The following ZNF20 variants were observed in gnomAD, a reference collection of about 807,000 sequenced individuals.
ZNF20 encodes zinc finger protein 20.
ZNF20 carries 9 observed loss-of-function variants against 11.0 expected under a neutral mutation model. That is an observed-to-expected ratio of 0.82 (90% CI 0.49 to 1.43). ZNF20 has a LOEUF of 1.43. Ranked by LOEUF, ZNF20 falls within the 40% of genes most tolerant of loss-of-function variation. ZNF20 has a pLI of 0.00. For missense variants in ZNF20, 528 were observed against 640.8 expected, an observed-to-expected ratio of 0.82 and a Z score of 1.90; for synonymous variants, 182 against 213.0, an observed-to-expected ratio of 0.85 and a Z score of 1.27.
intron 3 of ZNF20, among the ~76,000 whole-genome samples, chr19:12,134,311 C>A (rs778726747): frequency 2.7e-5 from 4 of 149,834 alleles, no homozygotes; most frequent in Non-Finnish European, 5.9e-5. Flanking sequence ...GTGACAAGGG[C>A]GAAACTCTGT....
At position 12,133,818 on chromosome 19, in the gene ZNF20, T is replaced by C. The variant is rs763604223; in HGVS notation, c.368A>G (p.His123Arg). Residue 123 changes from histidine (H) to arginine (R), a missense_variant, in exon 4 of 4, where the codon CAT (histidine) becomes CGT (arginine). Physicochemically the swap from His to Arg is conservative, Grantham distance 29. Transcript: ENST00000334213. The part of the protein sequence containing the change: ...VGTGHSSLNT[H>R]IRADTGHKSS... ...CTTGTGTCCAGTGTCAGCTCTGATA[T>C]GCGTATTAAGAGATGAATGACCCGT... 1.2e-6 allele frequency: 2 copies of C among 1,614,224 alleles called. No individual in the cohort carries two copies. Among genetic ancestry groups the C allele is most frequent in the Non-Finnish European group, 1.7e-6 (2 of 1,180,048 alleles).
chr19:12,133,965 CAG>C lies in ZNF20; in HGVS notation c.219_220del (p.Cys74Ter), dbSNP rs1214191295. On this transcript the variant is annotated frameshift_variant, in exon 4 of 4. Coordinates refer to ENST00000334213, the MANE Select transcript of ZNF20 (RefSeq NM_021143.4). LOFTEE classifies it low-confidence loss of function (END_TRUNC). Reference sequence around the variant, plus strand: ...ACAGTGATGACTTTCTTTACTTTCACAGAGTTTCTCTCTCATAAGACTTCAGT... The same window carrying C: ...ACAGTGATGACTTTCTTTACTTTCACAGTTTCTCTCTCATAAGACTTCAGT... The C allele has an allele frequency of 1.2e-5, 19 of 1,608,288 alleles. No individual in the cohort carries two copies. The African/African-American group carries it at 1.5e-4, about 12-fold the overall frequency.
At position 12,140,336 on chromosome 19, in the gene ZNF20, A is replaced by G; in HGVS notation, c.-154T>C. 1 of 992,404 alleles carries G rather than the reference A, an allele frequency of 1.0e-6. No homozygotes were observed. The highest frequency in any genetic ancestry group is 1.6e-6 in the Non-Finnish European group (1 of 641,564). The allele number at this position is 992,404 out of a possible 1,614,324, so 61.5% of individuals were successfully genotyped here. On this transcript the variant is annotated 5_prime_UTR_variant, in exon 1 of 4. Coordinates refer to ENST00000334213, the MANE Select transcript of ZNF20 (RefSeq NM_021143.4). ...TATCCCGACAACAACCTGCATAGCA[A>G]CAAAAGTAGAAGCTGGAATGGGCCT...
intron 1 of ZNF20, among the ~76,000 whole-genome samples, chr19:12,138,936 G>T (rs189116046): frequency 6.6e-6 from 1 of 152,222 alleles, no homozygotes; most frequent in Non-Finnish European, 1.5e-5. Context: ...GAGTTAGGGC[G>T]GGGTAGCAGG....
In ZNF20 at chr19:12,132,796, T is replaced by C. The variant is rs1454160660; in HGVS notation, c.1390A>G (p.Ser464Gly). ...GTCCTTTCATGATATCGAATGGAAC[T>C]GGAACAAGTGAAGGCTTTGCCACAT... ...KVCGKAFTCSSSIRYHERTHT... is the reference protein window; with the variant it reads ...KVCGKAFTCSGSIRYHERTHT... The change falls in exon 4 of 4, where the codon AGT (serine) becomes GGT (glycine). Residue 464 changes from serine to glycine, a missense_variant. By Grantham distance (56) the Ser-to-Gly change is moderately conservative. Transcript: ENST00000334213. 2 of 1,612,860 alleles carry C rather than the reference T, an allele frequency of 1.2e-6. No individual in the cohort carries two copies. The highest frequency in any genetic ancestry group is 3.3e-5 in the Admixed American group (2 of 59,892).
intron 1 of ZNF20, 111 bp from the exon 2 acceptor site, chr19:12,136,015 G>C: frequency 2.9e-6 from 4 of 1,357,660 alleles, no homozygotes; most frequent in Non-Finnish European, 4.0e-6. Context: ...CCATGACTTG[G>C]TCATCACACC....
At position 12,136,674 on chromosome 19, in the gene ZNF20, T is replaced by C. The variant is rs1976716912; in HGVS notation, c.4-770A>G. Among the ~76,000 whole-genome samples the C allele has an allele frequency of 2.0e-5, 3 of 151,782 alleles. No homozygotes were observed. The South Asian group carries it at 6.3e-4, about 32-fold the overall frequency. Reference sequence around the variant, plus strand: ...TGCACTCCAGCCTGGGCAACAAGAGTGAAACTCCGTCTCGAAAAAATAAAA... The same window carrying C: ...TGCACTCCAGCCTGGGCAACAAGAGCGAAACTCCGTCTCGAAAAAATAAAA... On this transcript the variant is annotated intron_variant, in intron 1 of 3. Coordinates refer to ENST00000334213, the MANE Select transcript of ZNF20 (RefSeq NM_021143.4).
In ZNF20 at chr19:12,139,889, C is replaced by T. The variant is rs1872633987; in HGVS notation, c.3+291G>A. ...TCCCCCATGACCCTCCCGTGGTCCC[C>T]GCAAAATCTGAAGAGACGCGGGGCT... On this transcript the variant is annotated intron_variant, in intron 1 of 3. Coordinates refer to ENST00000334213, the MANE Select transcript of ZNF20 (RefSeq NM_021143.4). The surrounding 1 kb of genome is among the most constrained non-coding windows in gnomAD (Gnocchi z 4.0). Among the ~76,000 whole-genome samples the T allele has an allele frequency of 6.6e-6, 1 of 152,170 alleles. No homozygotes were observed. Among genetic ancestry groups the T allele is most frequent in the Non-Finnish European group, 1.5e-5 (1 of 68,026 alleles).
At position 12,132,326 on chromosome 19, in the gene ZNF20, C is replaced by A. The variant is rs1976635090; in HGVS notation, c.*261G>T. On this transcript the variant is annotated 3_prime_UTR_variant, in exon 4 of 4. Transcript: ENST00000334213. ...GGGCTGGAAGCGGGTAGCCACACAC[C>A]TCTCTCCCTGTGTGGGGCCTCTAAT... The A allele has an allele frequency of 2.4e-6, 1 of 417,878 alleles. No homozygotes were observed. Among genetic ancestry groups the A allele is most frequent in the African/African-American group, 2.0e-5 (1 of 48,844 alleles). 25.9% of individuals were successfully genotyped at this position (417,878 alleles called of 1,614,324 possible).
chr19:12,138,102 G>A (rs1976741302), intron 1 of ZNF20, among the ~76,000 whole-genome samples: 2 of 152,110 alleles, frequency 1.3e-5, no homozygotes, highest in African/African-American at 4.8e-5. Context: ...TGAAACCCAG[G>A]ACCAGGAAAA....
chr19:12,133,571 C>T lies in ZNF20; in HGVS notation c.615G>A (p.Gly205=). ...GDGPYKCKFC[G]KAFYFLNLCL... is the part of the protein sequence containing the mutation. ...ATAAATTGAGAAAATAGAAGGCTTTCCCACAAAACTTACATTTATAAGGTC... is the reference window on the plus strand; with the variant it reads ...ATAAATTGAGAAAATAGAAGGCTTTTCCACAAAACTTACATTTATAAGGTC... The change falls in exon 4 of 4, where the codon GGG becomes GGA. Residue 205 remains glycine (G), a synonymous_variant. Transcript: ENST00000334213. 6.2e-7 allele frequency: 1 copy of T among 1,614,162 alleles called. No homozygotes were observed. The highest frequency in any genetic ancestry group is 1.7e-5 in the Admixed American group (1 of 60,030).
chr19:12,132,837 G>A lies in ZNF20; in HGVS notation c.1349C>T (p.Pro450Leu). The A allele has an allele frequency of 6.2e-7, 1 of 1,613,986 alleles. No individual in the cohort carries two copies. ...IHERTHTGDKPYECKVCGKAF... is the reference protein window; with the variant it reads ...IHERTHTGDKLYECKVCGKAF... ...TTTGCCACATACCTTACACTCATAT[G>A]GCTTATCTCCAGTGTGTGTCCTTTC... Residue 450 changes from proline to leucine, a missense_variant, in exon 4 of 4, where the codon CCA becomes CTA. Transcript: ENST00000334213.
At chr19:12,140,078 T>C in intron 1 of ZNF20, 102 bp downstream of exon 1, 1 of 1,453,062 alleles carries the variant, frequency 6.9e-7, no homozygotes, top group Non-Finnish European at 9.4e-7. Flanking sequence ...GGGTCCCAGA[T>C]CCAGGAGGCG....
chr19:12,140,030 C>A, intron 1 of ZNF20, 150 bp downstream of exon 1: 1 of 1,096,660 alleles, frequency 9.1e-7, no homozygotes, highest in East Asian at 2.6e-5. Context: ...CACCCTGCGG[C>A]CGAGGGGACG....
intron 3 of ZNF20, 111 bp from the exon 4 acceptor site, chr19:12,134,096 G>A: frequency 1.1e-6 from 1 of 887,882 alleles, no homozygotes; most frequent in Non-Finnish European, 1.7e-6. Context: ...GGCTGAGGTG[G>A]GCAGATCACC....
In ZNF20 at chr19:12,139,882, T is replaced by C. The variant is rs1281433770; in HGVS notation, c.3+298A>G. ...GCAGGATTCCCCCATGACCCTCCCG[T>C]GGTCCCCGCAAAATCTGAAGAGACG... is the stretch of plus-strand genomic sequence containing the variant. On this transcript the variant is annotated intron_variant, in intron 1 of 3. Transcript: ENST00000334213. The surrounding 1 kb of genome is among the most constrained non-coding windows in gnomAD (Gnocchi z 4.0). Among the ~76,000 whole-genome samples, 1 of 151,930 alleles carries C rather than the reference T, an allele frequency of 6.6e-6. No individual in the cohort carries two copies. Among genetic ancestry groups the C allele is most frequent in the African/African-American group, 2.4e-5 (1 of 41,394 alleles).
rs1158750145 is a variant in ZNF20, at chr19:12,132,333, CCT to C, written c.*252_*253del. Reference sequence around the variant, plus strand: ...AAGCGGGTAGCCACACACCTCTCTCCCTGTGTGGGGCCTCTAATATGTGACTG... The same window carrying C: ...AAGCGGGTAGCCACACACCTCTCTCCGTGTGGGGCCTCTAATATGTGACTG... On this transcript the variant is annotated 3_prime_UTR_variant, in exon 4 of 4. Transcript: ENST00000334213. 8 of 431,146 alleles carry C rather than the reference CCT, an allele frequency of 1.9e-5. No individual in the cohort carries two copies. The Admixed American group carries it at 2.0e-4, about 11-fold the overall frequency. The allele number at this position is 431,146 out of a possible 1,614,324, so 26.7% of individuals were successfully genotyped here.
chr19:12,136,384 AATAAT>A (rs1976711745), intron 1 of ZNF20, among the ~76,000 whole-genome samples: 1 of 151,192 alleles, frequency 6.6e-6, no homozygotes, highest in African/African-American at 2.4e-5. Flanking sequence ...TCAAAAAAAT[AATAAT>A]AAAATAAATA....
rs1032438524 is a variant in ZNF20 at position 12,131,359 on chromosome 19, T to C, written c.*1228A>G. 1 of 152,200 alleles carries C rather than the reference T, an allele frequency of 6.6e-6. No individual in the cohort carries two copies. Among genetic ancestry groups the C allele is most frequent in the African/African-American group, 2.4e-5 (1 of 41,452 alleles). The allele number at this position is 152,200 out of a possible 1,614,324, so 9.4% of individuals were successfully genotyped here. A position where few individuals can be genotyped will look rare whatever the true frequency, so the allele number is the denominator to read the frequency against. On this transcript the variant is annotated 3_prime_UTR_variant, in exon 4 of 4. Transcript: ENST00000334213. ...GCAAACATACCCCAAATTTTTCTCT[T>C]CTCACGAAATGTGACTATCTTTTAA...
Sources: allele counts gnomAD v4.1 joint callset (sites outside exome capture counted in the v4.1 genomes callset), GRCh38; gene constraint gnomAD v4.1.1; non-coding constraint Gnocchi (gnomAD v3.1); transcripts MANE v1.5; gene names NCBI Gene and HGNC (gene_info 2026-07-23, HGNC 2026-07-21).